The following ATP12A variants were observed in gnomAD, a reference collection of about 807,000 sequenced individuals.
ATP12A encodes the protein potassium-transporting ATPase alpha chain 2.
ATP12A carries 81 observed loss-of-function variants against 111.2 expected under a neutral mutation model. The ratio of observed to expected loss-of-function variants is 0.73; its 90% CI spans 0.61 to 0.88. ATP12A has a LOEUF of 0.88. Among genes scored for constraint, ATP12A ranks in the 40% least tolerant of loss-of-function variants. The pLI is 0.00. For synonymous variants in ATP12A, 498 were observed against 499.8 expected (o/e 1.00, Z 0.05); for missense variants, 1,196 against 1,313.1 (o/e 0.91, Z 1.38).
intron 16 of ATP12A, 33 bp from the exon 17 acceptor site, chr13:24,707,246 A>G: frequency 6.2e-7 from 1 of 1,613,930 alleles, no homozygotes; most frequent in South Asian, 1.1e-5. Context: ...GGGGACTAGA[A>G]GTAAGTTCTG....
In ATP12A at chr13:24,680,820, G is replaced by A. The variant is rs1874403978; in HGVS notation, c.9+68G>A. ...GCCAAGGCCCCGGGGACCGGAGCAGGCTGACGGGAAGCGAGGAAAAGGCGA... is the reference window on the plus strand; with the variant it reads ...GCCAAGGCCCCGGGGACCGGAGCAGACTGACGGGAAGCGAGGAAAAGGCGA... On this transcript the variant is annotated intron_variant, in intron 1 of 22. Transcript: ENST00000381946. 9 of 1,427,876 alleles carry A rather than the reference G, an allele frequency of 6.3e-6. No homozygotes were observed. The South Asian group carries it at 1.3e-4, about 21-fold the overall frequency. The allele number at this position is 1,427,876 out of a possible 1,614,324, so 88.5% of individuals were successfully genotyped here. A position where few individuals can be genotyped will look rare whatever the true frequency, so the allele number is the denominator to read the frequency against.
chr13:24,688,211 A>T, intron 3 of ATP12A, 108 bp from the exon 4 acceptor site: 1 of 1,282,436 alleles, frequency 7.8e-7, no homozygotes, highest in Non-Finnish European at 1.1e-6. Context: ...TGGCCACGTT[A>T]ATGCCTCACC....
rs1410277291 is a variant in ATP12A at position 24,711,245 on chromosome 13, C to T, written c.3000-73C>T. 2.4e-5 allele frequency: 33 copies of T among 1,354,146 alleles called. 1 individual carries two copies. The highest frequency in any genetic ancestry group is 2.9e-5 in the Non-Finnish European group (28 of 974,898). 83.9% of individuals were successfully genotyped at this position (1,354,146 alleles called of 1,614,324 possible). On this transcript the variant is annotated intron_variant, in intron 21 of 22. Coordinates refer to ENST00000381946, the MANE Select transcript of ATP12A (RefSeq NM_001676.7). The stretch of plus-strand genomic sequence containing the variant: ...AAGCAAGACAAATGAACGAGAAGCC[C>T]CATTCCCATTGGGCAGGGTTGGGCT...
intron 11 of ATP12A, among the ~76,000 whole-genome samples, chr13:24,695,924 G>A (rs1875134274): frequency 1.3e-5 from 2 of 152,112 alleles, no homozygotes; most frequent in Admixed American, 1.3e-4. Context: ...AAGAACTCTT[G>A]TGTTGCAAAT....
At chr13:24,707,528 A>G in intron 17 of ATP12A, 95 bp downstream of exon 17, 2 of 1,498,288 alleles carry the variant, frequency 1.3e-6, no homozygotes, top group South Asian at 1.2e-5. Context: ...GGACTAACTC[A>G]AGGCTTCTCA....
At chr13:24,691,363 C>A (rs935626865) in intron 8 of ATP12A, 113 bp downstream of exon 8, 1 of 1,304,704 alleles carries the variant, frequency 7.7e-7, no homozygotes. Flanking sequence ...CCACGCCCTC[C>A]CCGCCAGCGA....
Position 24,690,647 on chromosome 13 carries a change from G to T in ATP12A, c.725G>T (p.Arg242Leu), listed in dbSNP as rs1384284866. ...SLTGESEPQP[R>L]SSEFTHENPL... ...ACGGGGGAGTCTGAGCCCCAGCCCC[G>T]CTCCTCTGAGTTTACCCATGAAAAC... is the stretch of plus-strand genomic sequence containing the variant. Residue 242 changes from arginine to leucine, a missense_variant, in exon 7 of 23, where the codon CGC becomes CTC. Coordinates refer to ENST00000381946, the MANE Select transcript of ATP12A (RefSeq NM_001676.7). The T allele has an allele frequency of 1.2e-6, 2 of 1,613,724 alleles. No homozygotes were observed. Among genetic ancestry groups the T allele is most frequent in the African/African-American group, 2.7e-5 (2 of 74,968 alleles).
Position 24,709,416 on chromosome 13 carries a change from G to A in ATP12A, c.2546G>A (p.Arg849Lys). The A allele has an allele frequency of 1.2e-6, 2 of 1,614,026 alleles. No homozygotes were observed. The highest frequency in any genetic ancestry group is 1.7e-6 in the Non-Finnish European group (2 of 1,180,018). Residue 849 changes from arginine (R) to lysine (K), a missense_variant, in exon 18 of 23, where the codon AGG becomes AAG. Arg to Lys is a conservative substitution (Grantham distance 26). Around this residue, in one of 3 missense-constraint regions of ATP12A, gnomAD observed 1,126 missense variants for 1,228.5 expected, o/e 0.92. Coordinates refer to ENST00000381946, the MANE Select transcript of ATP12A (RefSeq NM_001676.7). ...AAAGCTGAAAGTGACATCATGAACA[G>A]GAAGCCTCGCCACAAGAATAAGGAC... is the stretch of plus-strand genomic sequence containing the variant. ...YEKAESDIMN[R>K]KPRHKNKDRL... is the part of the protein sequence containing the mutation.
Position 24,685,085 on chromosome 13 carries a change from C to T in ATP12A, c.169-229C>T, listed in dbSNP as rs2277422. ...GCTGCAGGCAGCTTCTGGGTAGTAA[C>T]AGCAAGTGCAGGATTGTGCCGACTC... On this transcript the variant is annotated intron_variant, in intron 2 of 22. Coordinates refer to ENST00000381946, the MANE Select transcript of ATP12A (RefSeq NM_001676.7). The surrounding 1 kb of genome is among the most constrained non-coding windows in gnomAD (Gnocchi z 5.5). Among the ~76,000 whole-genome samples the T allele has an allele frequency of 0.14, 21,698 of 152,144 alleles. 1,629 individuals are homozygous for T. The highest frequency in any genetic ancestry group is 0.23 in the Middle Eastern group (68 of 294).
chr13:24,680,813 G>T, intron 1 of ATP12A, 61 bp downstream of exon 1: 1 of 1,436,972 alleles, frequency 7.0e-7, no homozygotes, highest in South Asian at 1.4e-5. Flanking sequence ...CCCGGGGACC[G>T]GAGCAGGCTG....
At chr13:24,688,236 T>C (rs567700308) in intron 3 of ATP12A, 83 bp from the exon 4 acceptor site, 5 of 1,470,274 alleles carry the variant, frequency 3.4e-6, no homozygotes, top group Middle Eastern at 2.6e-4. Flanking sequence ...GCTGCAAAAA[T>C]ATGCAGCCCA....
Position 24,690,375 on chromosome 13 carries a change from T to C in ATP12A, c.584T>C (p.Ile195Thr). 6.2e-7 allele frequency: 1 copy of C among 1,612,954 alleles called. No individual in the cohort carries two copies. Among genetic ancestry groups the C allele is most frequent in the East Asian group, 2.2e-5 (1 of 44,854 alleles). The change falls in exon 6 of 23, where the codon ATC becomes ACC. Residue 195 changes from isoleucine (I) to threonine (T), a missense_variant. Transcript: ENST00000381946. ...LVIRDSEKKT[I>T]PSEQLVVGDI... ...ATCCGAGATTCCGAGAAGAAGACCATCCCTTCAGAGCAGCTGGTGGTGGGG... is the reference window on the plus strand; with the variant it reads ...ATCCGAGATTCCGAGAAGAAGACCACCCCTTCAGAGCAGCTGGTGGTGGGG...
In ATP12A at chr13:24,685,781, G is replaced by A. The variant is rs768206887; in HGVS notation, c.228+408G>A. On this transcript the variant is annotated intron_variant, in intron 3 of 22. Transcript: ENST00000381946. This position sits in a 1 kb window ranked among gnomAD's most constrained non-coding sequence, Gnocchi z 5.5. Reference sequence around the variant, plus strand: ...GCTCTCGGGCTGCTGCCATGTTTGCGCTGGGACTCAAAATGCTTCGGATTT... The same window carrying A: ...GCTCTCGGGCTGCTGCCATGTTTGCACTGGGACTCAAAATGCTTCGGATTT... 6.6e-6 allele frequency among the ~76,000 whole-genome samples: 1 copy of A among 152,218 alleles called. No individual in the cohort carries two copies. The highest frequency in any genetic ancestry group is 1.5e-5 in the Non-Finnish European group (1 of 68,032).
intron 15 of ATP12A, 32 bp downstream of exon 15, chr13:24,706,495 AG>A: frequency 2.5e-6 from 4 of 1,607,480 alleles, no homozygotes; most frequent in Non-Finnish European, 3.4e-6. Flanking sequence ...GAGGACTGAC[AG>A]GCCCATCACT....
intron 10 of ATP12A, among the ~76,000 whole-genome samples, chr13:24,693,755 C>G (rs2137701179): frequency 6.6e-6 from 1 of 152,348 alleles, no homozygotes; most frequent in South Asian, 2.1e-4. Flanking sequence ...TGGAAGTCAT[C>G]TTTGACTTTA....
At chr13:24,706,052 G>A (rs975982547) in intron 14 of ATP12A, among the ~76,000 whole-genome samples, 1 of 152,230 alleles carries the variant, frequency 6.6e-6, no homozygotes, top group Non-Finnish European at 1.5e-5. Context: ...ACCTGTTCTA[G>A]TAGGGATAAG....
chr13:24,707,450 G>T lies in ATP12A; in HGVS notation c.2493+17G>T. Reference sequence around the variant, plus strand: ...ACAGACATTGTAAGTGACACTGAAGGGAACAGGCTGTGATGCCTGCCCCAG... The same window carrying T: ...ACAGACATTGTAAGTGACACTGAAGTGAACAGGCTGTGATGCCTGCCCCAG... On this transcript the variant is annotated intron_variant, in intron 17 of 22. Coordinates refer to ENST00000381946, the MANE Select transcript of ATP12A (RefSeq NM_001676.7). The T allele has an allele frequency of 6.2e-7, 1 of 1,614,034 alleles. No homozygotes were observed. Among genetic ancestry groups the T allele is most frequent in the South Asian group, 1.1e-5 (1 of 91,046 alleles).
At chr13:24,683,145 AC>A (rs1408103610) in intron 2 of ATP12A, among the ~76,000 whole-genome samples, 1 of 152,022 alleles carries the variant, frequency 6.6e-6, no homozygotes, top group Non-Finnish European at 1.5e-5. Context: ...TTTAGTAGAG[AC>A]GGGGTTTCCC....
chr13:24,686,123 G>T (rs1029335097), intron 3 of ATP12A, among the ~76,000 whole-genome samples: 44 of 152,186 alleles, frequency 2.9e-4, no homozygotes, highest in African/African-American at 1.0e-3. Context: ...ACTGTGAAAT[G>T]AGGATCTGAA....
Sources: gnomAD v4.1 joint callset for allele counts (sites outside exome capture counted in the v4.1 genomes callset) on GRCh38, gnomAD v4.1.1 for gene constraint, gnomAD v4.1.1 regional missense constraint, Gnocchi (gnomAD v3.1) non-coding constraint, MANE v1.5 for transcripts, NCBI Gene and HGNC (gene_info 2026-07-23, HGNC 2026-07-21) for gene names.